Variants in IGF2BP2 observed in about 807,000 individuals in gnomAD.
IGF2BP2 encodes insulin-like growth factor 2 mRNA-binding protein 2.
IGF2BP2 carries 17 observed loss-of-function variants against 75.8 expected under a neutral mutation model. The observed-to-expected ratio is 0.22, with a 90% CI of 0.15 to 0.34. The LOEUF is 0.34. IGF2BP2 is among the 10% of genes least tolerant of loss of function. The pLI is 1.00. For missense variants in IGF2BP2, 516 were observed against 772.4 expected, an observed-to-expected ratio of 0.67 and a Z score of 3.93; for synonymous variants, 288 against 295.6, an observed-to-expected ratio of 0.97 and a Z score of 0.26.
At chr3:185,748,699 C>T (rs1730579699) in intron 2 of IGF2BP2, among the ~76,000 whole-genome samples, 1 of 152,200 alleles carries the variant, frequency 6.6e-6, no homozygotes, top group Admixed American at 6.5e-5. Flanking sequence ...TGGCTGTCCC[C>T]ACAGCATTCA....
At chr3:185,814,606 A>G (rs1368081387) in intron 2 of IGF2BP2, among the ~76,000 whole-genome samples, 6 of 152,348 alleles carry the variant, frequency 3.9e-5, no homozygotes, top group Admixed American at 3.3e-4. Flanking sequence ...TTAAAGCTCT[A>G]TTAGAGGTTC....
intron 2 of IGF2BP2, among the ~76,000 whole-genome samples, chr3:185,730,378 C>T (rs142085557): frequency 3.3e-5 from 5 of 151,156 alleles, no homozygotes; most frequent in African/African-American, 7.3e-5. Context: ...GTTGATTCCA[C>T]GACTTTGCTA....
chr3:185,801,043 G>C (rs1360907542), intron 2 of IGF2BP2, among the ~76,000 whole-genome samples: 3 of 152,086 alleles, frequency 2.0e-5, no homozygotes, highest in Middle Eastern at 3.2e-3. Context: ...AAAAGAGTGG[G>C]TGAAGGATAT....
chr3:185,782,954 G>C (rs1329037476), intron 2 of IGF2BP2, among the ~76,000 whole-genome samples: 1 of 152,194 alleles, frequency 6.6e-6, no homozygotes. Flanking sequence ...AAGTTATGTA[G>C]TTGGGATTAA....
chr3:185,774,315 G>T (rs1420055952), intron 2 of IGF2BP2, among the ~76,000 whole-genome samples: 1 of 152,186 alleles, frequency 6.6e-6, no homozygotes. Context: ...GTAAAAACAG[G>T]CCGGGCATGG....
At chr3:185,805,948 T>C (rs1392734696) in intron 2 of IGF2BP2, among the ~76,000 whole-genome samples, 1 of 151,756 alleles carries the variant, frequency 6.6e-6, no homozygotes, top group Non-Finnish European at 1.5e-5. Context: ...CTAATTTTTG[T>C]ATTTTTAGTA....
intron 4 of IGF2BP2, among the ~76,000 whole-genome samples, chr3:185,694,944 A>C (rs905176077): frequency 1.3e-5 from 2 of 152,094 alleles, no homozygotes; most frequent in African/African-American, 4.8e-5. Flanking sequence ...AAAATTAGCC[A>C]GGCATGGTGG....
chr3:185,655,003 G>A (rs1387334762), intron 12 of IGF2BP2, among the ~76,000 whole-genome samples: 1 of 152,174 alleles, frequency 6.6e-6, no homozygotes, highest in Non-Finnish European at 1.5e-5. Flanking sequence ...GGCCCCCAAA[G>A]ACTGGCAAAG....
chr3:185,675,325 C>T lies in IGF2BP2; in HGVS notation c.1042G>A (p.Ala348Thr), dbSNP rs774482150. 10 of 1,611,024 alleles carry T rather than the reference C, an allele frequency of 6.2e-6. No individual in the cohort carries two copies. Among genetic ancestry groups the T allele is most frequent in the African/African-American group, 4.0e-5 (3 of 74,776 alleles). ...EIEIMKKLREAFENDMLAVNQ... is the reference protein window; with the variant it reads ...EIEIMKKLRETFENDMLAVNQ... ...ACAGCCAGCATATCATTTTCAAAGGCCTCACGCAGCTTCTTCATAATCTCT... is the reference window on the plus strand; with the variant it reads ...ACAGCCAGCATATCATTTTCAAAGGTCTCACGCAGCTTCTTCATAATCTCT... The change falls in exon 9 of 16, where the codon GCC (alanine) becomes ACC (threonine). Residue 348 changes from alanine to threonine, a missense_variant. Ala to Thr is a moderately conservative substitution (Grantham distance 58). Around this residue, in one of 3 missense-constraint regions of IGF2BP2, gnomAD observed 312 missense variants for 474.5 expected, o/e 0.66. Transcript: ENST00000382199.
intron 2 of IGF2BP2, among the ~76,000 whole-genome samples, chr3:185,792,021 A>G (rs936009705): frequency 2.0e-5 from 3 of 152,184 alleles, no homozygotes; most frequent in African/African-American, 7.2e-5. Flanking sequence ...TCATGCAAGT[A>G]TTTGAAGACA....
At chr3:185,805,658 A>G (rs1045840939) in intron 2 of IGF2BP2, among the ~76,000 whole-genome samples, 1 of 152,296 alleles carries the variant, frequency 6.6e-6, no homozygotes, top group Non-Finnish European at 1.5e-5. Flanking sequence ...TTAAAAACCA[A>G]CAAGGACATA....
At chr3:185,726,790 C>T (rs930696968) in intron 2 of IGF2BP2, among the ~76,000 whole-genome samples, 1 of 152,094 alleles carries the variant, frequency 6.6e-6, no homozygotes, top group Non-Finnish European at 1.5e-5. Context: ...GTTCTTTGAT[C>T]TGTAATACAG....
At chr3:185,756,748 A>G (rs1415933944) in intron 2 of IGF2BP2, among the ~76,000 whole-genome samples, 1 of 152,174 alleles carries the variant, frequency 6.6e-6, no homozygotes, top group Non-Finnish European at 1.5e-5. Flanking sequence ...TGAGGTGGGA[A>G]GATTGCTTGA....
At chr3:185,689,274 T>A in intron 6 of IGF2BP2, 81 bp downstream of exon 6, 1 of 1,448,972 alleles carries the variant, frequency 6.9e-7, no homozygotes, top group Non-Finnish European at 9.4e-7. Flanking sequence ...TGTAAGCAAT[T>A]GTGACCTAAG....
intron 4 of IGF2BP2, 30 bp from the exon 5 acceptor site, chr3:185,692,792 T>C (rs1196993183): frequency 3.5e-5 from 56 of 1,606,888 alleles, no homozygotes; most frequent in Non-Finnish European, 4.7e-5. Flanking sequence ...TACACTGTCA[T>C]AGGAAAAAGT....
intron 2 of IGF2BP2, among the ~76,000 whole-genome samples, chr3:185,770,967 T>C (rs1234021343): frequency 2.0e-5 from 3 of 152,144 alleles, no homozygotes; most frequent in Admixed American, 6.5e-5. Flanking sequence ...CCCAGACTGG[T>C]CTTGAACTCT....
intron 13 of IGF2BP2, among the ~76,000 whole-genome samples, chr3:185,650,799 C>T (rs1436509649): frequency 6.6e-6 from 1 of 152,224 alleles, no homozygotes; most frequent in Non-Finnish European, 1.5e-5. Flanking sequence ...AACCTCATAA[C>T]TATTGGGAGT....
chr3:185,810,550 G>C (rs1156506846), intron 2 of IGF2BP2, among the ~76,000 whole-genome samples: 1 of 152,184 alleles, frequency 6.6e-6, no homozygotes, highest in Non-Finnish European at 1.5e-5. Flanking sequence ...AAGGCAGGCA[G>C]ATCACCTGAG....
At chr3:185,726,455 G>A (rs1049548096) in intron 2 of IGF2BP2, among the ~76,000 whole-genome samples, 6 of 152,204 alleles carry the variant, frequency 3.9e-5, no homozygotes, top group African/African-American at 1.2e-4. Context: ...AAATGAGATG[G>A]TGAAATGCAC....
Sources: allele counts gnomAD v4.1 joint callset (sites outside exome capture counted in the v4.1 genomes callset), GRCh38; gene constraint gnomAD v4.1.1; regional missense constraint gnomAD v4.1.1; transcripts MANE v1.5; gene names NCBI Gene and HGNC (gene_info 2026-07-23, HGNC 2026-07-21).